HUWE1: variants seen among roughly 807,000 people sequenced by gnomAD.
HUWE1 encodes the protein HECT, UBA and WWE domain containing E3 ubiquitin protein ligase 1, also known as E3 ubiquitin-protein ligase HUWE1.
A neutral mutation model predicts 299.4 loss-of-function variants in HUWE1; 18 were observed. That is an observed-to-expected ratio of 0.06 (90% CI 0.04 to 0.09). HUWE1 has a LOEUF of 0.09. HUWE1 is among the 10% of genes least tolerant of loss of function. The pLI, the probability that HUWE1 is intolerant of heterozygous loss-of-function variation, is 1.00. For synonymous variants in HUWE1, 1,317 were observed against 1,286.1 expected, an observed-to-expected ratio of 1.02 and a Z score of -0.51; for missense variants, 1,832 against 3,462.3, an observed-to-expected ratio of 0.53 and a Z score of 11.82.
intron 44 of HUWE1, 70 bp downstream of exon 44, chrX:53,576,830 G>A: frequency 1.8e-6 from 2 of 1,098,665 alleles, no homozygotes; most frequent in Non-Finnish European, 2.5e-6. Flanking sequence ...GCCATGAGTT[G>A]GCTGAAATGA....
intron 19 of HUWE1, among the ~76,000 whole-genome samples, chrX:53,622,706 T>C (rs1323913148): frequency 8.9e-6 from 1 of 111,874 alleles, no homozygotes; most frequent in African/African-American, 3.3e-5. Context: ...AAGATAGTGC[T>C]TGTGCCTTAA....
chrX:53,567,288 T>C (rs1019908535), intron 49 of HUWE1, among the ~76,000 whole-genome samples: 1 of 111,633 alleles, frequency 9.0e-6, no homozygotes, highest in Non-Finnish European at 1.9e-5. Flanking sequence ...TACTGTGAGT[T>C]TGACATTTAT....
chrX:53,653,411 G>C (rs782506560), intron 4 of HUWE1, among the ~76,000 whole-genome samples: 5 of 111,351 alleles, frequency 4.5e-5, no homozygotes, highest in Admixed American at 2.9e-4. Flanking sequence ...TTCAAACCTA[G>C]GTCTAATTTC....
At chrX:53,557,583 A>G (rs1396773044) in intron 59 of HUWE1, among the ~76,000 whole-genome samples, 156 bp from the exon 60 acceptor site, 1 of 111,813 alleles carries the variant, frequency 8.9e-6, no homozygotes, top group Non-Finnish European at 1.9e-5. Context: ...TGATCATTTC[A>G]CTGTGCAAAT....
chrX:53,584,089 T>C (rs1454244070), intron 41 of HUWE1, 97 bp downstream of exon 41: 3 of 902,576 alleles, frequency 3.3e-6, no homozygotes, highest in Non-Finnish European at 4.8e-6. Context: ...ATCTTTAATC[T>C]GTTAATCAAG....
intron 28 of HUWE1, among the ~76,000 whole-genome samples, chrX:53,602,084 A>G (rs946878335): frequency 8.9e-6 from 1 of 112,430 alleles, no homozygotes; most frequent in Admixed American, 9.4e-5. Context: ...TAGTAGCCAC[A>G]TTAAAAAGTA....
intron 78 of HUWE1, chrX:53,537,306 C>T (rs2061108860): frequency 2.4e-6 from 1 of 412,714 alleles, no homozygotes; most frequent in Non-Finnish European, 4.3e-6. Context: ...GCAGGTATAT[C>T]CTTATAAACA....
chrX:53,618,035 A>G (rs1157377545), intron 19 of HUWE1, among the ~76,000 whole-genome samples: 2 of 112,203 alleles, frequency 1.8e-5, no homozygotes, highest in Non-Finnish European at 3.8e-5. Flanking sequence ...TGACATTATA[A>G]TATTTTAAAA....
rs782411177 is a variant in HUWE1 at position 53,583,834 on chromosome X, C to G, written c.5244G>C (p.Gln1748His). 2.5e-6 allele frequency: 3 copies of G among 1,209,192 alleles called. No individual in the cohort carries two copies. The highest frequency in any genetic ancestry group is 3.4e-6 in the Non-Finnish European group (3 of 894,265). The change falls in exon 42 of 84, where the codon CAG becomes CAC. Residue 1748 changes from glutamine to histidine, a missense_variant. Around this residue, in one of 15 missense-constraint regions of HUWE1, gnomAD observed 46 missense variants for 42.6 expected, o/e 1.08. Transcript: ENST00000262854. ...EETKIGEILI[Q>H]GLTEDMVTVL... is the part of the protein sequence containing the mutation. ...CAGTCACCATATCTTCTGTCAAGCC[C>G]TGGATCAGGATCTCCCCGATTTTTG...
At chrX:53,675,410 C>T (rs188053560) in intron 3 of HUWE1, among the ~76,000 whole-genome samples, 44 of 111,655 alleles carry the variant, frequency 3.9e-4, no homozygotes, top group Non-Finnish European at 7.2e-4. Context: ...GCTGGGGAGG[C>T]ACACAGAATT....
At position 53,542,845 on chromosome X, in the gene HUWE1, TTGTGTGTGTGTG is replaced by T. The variant is rs57187405; in HGVS notation, c.11380-318_11380-307del. Reference sequence around the variant, plus strand: ...TATATAGACTTCAAGTCTTCTTCTGTTGTGTGTGTGTGTGTGTGTGTGTGTGTGTGTGTGTGT... The same window carrying T: ...TATATAGACTTCAAGTCTTCTTCTGTTGTGTGTGTGTGTGTGTGTGTGTGT... On this transcript the variant is annotated intron_variant, in intron 73 of 83. Coordinates refer to ENST00000262854, the MANE Select transcript of HUWE1 (RefSeq NM_031407.7). 5.7e-3 allele frequency: 938 copies of T among 163,853 alleles called. 11 individuals are homozygous for T. Among genetic ancestry groups the T allele is most frequent in the South Asian group, 0.029 (368 of 12,772 alleles). 13.5% of individuals were successfully genotyped at this position (163,853 alleles called of 1,213,427 possible). A position where few individuals can be genotyped will look rare whatever the true frequency, so the allele number is the denominator to read the frequency against.
chrX:53,665,680 T>C (rs1461921391), intron 3 of HUWE1, among the ~76,000 whole-genome samples: 3 of 112,312 alleles, frequency 2.7e-5, no homozygotes, highest in African/African-American at 9.7e-5. Context: ...ATTTTACCAA[T>C]ACAGAGGAAA....
rs782585240 is a variant in HUWE1 at position 53,553,490 on chromosome X, G to A, written c.8495-597C>T. On this transcript the variant is annotated intron_variant, in intron 61 of 83. Coordinates refer to ENST00000262854, the MANE Select transcript of HUWE1 (RefSeq NM_031407.7). Reference sequence around the variant, plus strand: ...GATTCACTGCAGGCACCACTTGCACGTGCATATCCCTGTAGTTCTCTAAAT... The same window carrying A: ...GATTCACTGCAGGCACCACTTGCACATGCATATCCCTGTAGTTCTCTAAAT... Among the ~76,000 whole-genome samples, 32 of 106,769 alleles carry A rather than the reference G, an allele frequency of 3.0e-4. 1 individual carries two copies. The highest frequency in any genetic ancestry group is 9.2e-4 in the African/African-American group (27 of 29,467). The allele number at this position is 106,769 out of a possible 115,157, so 92.7% of individuals were successfully genotyped here. A position where few individuals can be genotyped will look rare whatever the true frequency, so the allele number is the denominator to read the frequency against.
chrX:53,595,433 A>G, intron 29 of HUWE1, 30 bp from the exon 30 acceptor site: 1 of 1,083,386 alleles, frequency 9.2e-7, no homozygotes, highest in South Asian at 1.9e-5. Flanking sequence ...ATAAGACTGT[A>G]CAGTATTCTC....
intron 23 of HUWE1, among the ~76,000 whole-genome samples, chrX:53,610,503 CCTGT>C (rs1305986600): frequency 8.9e-6 from 1 of 112,243 alleles, no homozygotes; most frequent in Non-Finnish European, 1.9e-5. Flanking sequence ...TTCTAAACTT[CCTGT>C]CTCTCTCCCT....
chrX:53,554,936 C>T lies in HUWE1; in HGVS notation c.8207-16G>A, dbSNP rs1271050756. On this transcript the variant is annotated splice_polypyrimidine_tract_variant and intron_variant, in intron 60 of 83. Transcript: ENST00000262854. ...GGCGTCCCATCTTTCTCGGAAAGAA[C>T]AATAATAGTGGTTAAGGGGCAACCA... 1 of 1,143,118 alleles carries T rather than the reference C, an allele frequency of 8.7e-7. No homozygotes were observed. The highest frequency in any genetic ancestry group is 1.2e-6 in the Non-Finnish European group (1 of 858,507). The allele number at this position is 1,143,118 out of a possible 1,213,427, so 94.2% of individuals were successfully genotyped here. A position where few individuals can be genotyped will look rare whatever the true frequency, so the allele number is the denominator to read the frequency against.
intron 75 of HUWE1, among the ~76,000 whole-genome samples, 191 bp from the exon 76 acceptor site, chrX:53,539,271 A>G (rs1201526577): frequency 9.7e-6 from 1 of 102,803 alleles, no homozygotes; most frequent in African/African-American, 3.5e-5. Flanking sequence ...GCTTGAGCCC[A>G]GCAGTTTGAG....
chrX:53,534,431 T>A, intron 82 of HUWE1, 85 bp downstream of exon 82: 7 of 867,482 alleles, frequency 8.1e-6, no homozygotes, highest in Non-Finnish European at 1.2e-5. Context: ...CCTCTAAGAG[T>A]ACTACTGGTT....
At chrX:53,666,018 A>C (rs1557047414) in intron 3 of HUWE1, among the ~76,000 whole-genome samples, 2 of 112,059 alleles carry the variant, frequency 1.8e-5, no homozygotes, top group East Asian at 2.8e-4. Context: ...ATTTATAAGA[A>C]AAGCCTGCCT....
Sources: gnomAD v4.1 joint callset for allele counts (sites outside exome capture counted in the v4.1 genomes callset) on GRCh38, gnomAD v4.1.1 for gene constraint, gnomAD v4.1.1 regional missense constraint, MANE v1.5 for transcripts, NCBI Gene and HGNC (gene_info 2026-07-23, HGNC 2026-07-21) for gene names.